Variants in TRIQK observed in about 807,000 individuals in gnomAD.
TRIQK encodes triple QxxK/R motif-containing protein.
TRIQK carries 10 observed loss-of-function variants against 10.8 expected under a neutral mutation model. The ratio of observed to expected loss-of-function variants is 0.92; its 90% confidence interval spans 0.57 to 1.57. The LOEUF (loss-of-function observed/expected upper bound fraction) is 1.57. Among genes scored for constraint, TRIQK ranks in the 40% most tolerant of loss-of-function variants. The pLI is 0.00. For synonymous variants in TRIQK, 33 were observed against 33.7 expected, an observed-to-expected ratio of 0.98 and a Z score of 0.07; for missense variants, 107 against 97.7, an observed-to-expected ratio of 1.09 and a Z score of -0.40.
At chr8:92,909,081 T>C (rs1809430529) in intron 3 of TRIQK, among the ~76,000 whole-genome samples, 1 of 151,876 alleles carries the variant, frequency 6.6e-6, no homozygotes, top group Non-Finnish European at 1.5e-5. Flanking sequence ...AAACTACAAA[T>C]ATCTAAAGAA....
chr8:92,954,618 C>T (rs761365573), intron 1 of TRIQK, 54 bp from the exon 2 acceptor site: 22 of 151,846 alleles, frequency 1.4e-4, no homozygotes, highest in Non-Finnish European at 2.8e-4. Context: ...CTCCAGTTCC[C>T]TAATAGTCCA....
At chr8:93,001,069 A>G (rs1355778618) in intron 1 of TRIQK, among the ~76,000 whole-genome samples, 2 of 152,148 alleles carry the variant, frequency 1.3e-5, no homozygotes, top group Non-Finnish European at 2.9e-5. Flanking sequence ...GCACTTTGGG[A>G]GGCTGAGATG....
At chr8:92,957,905 C>A (rs1563661247) in intron 1 of TRIQK, among the ~76,000 whole-genome samples, 1 of 151,826 alleles carries the variant, frequency 6.6e-6, no homozygotes, top group East Asian at 1.9e-4. Context: ...TAAAGGAAAA[C>A]CTGTGTATAC....
At chr8:92,991,483 C>T (rs993488449) in intron 1 of TRIQK, among the ~76,000 whole-genome samples, 2 of 152,098 alleles carry the variant, frequency 1.3e-5, no homozygotes, top group Non-Finnish European at 2.9e-5. Context: ...CAGGGGTCGA[C>T]TAGGTATTAA....
At chr8:93,008,342 T>C (rs1011546729) in intron 1 of TRIQK, among the ~76,000 whole-genome samples, 4 of 151,998 alleles carry the variant, frequency 2.6e-5, no homozygotes, top group Non-Finnish European at 5.9e-5. Context: ...TGAAGAGGAC[T>C]CAAATAAGTA....
intron 1 of TRIQK, among the ~76,000 whole-genome samples, chr8:93,009,754 A>G (rs1461815080): frequency 6.6e-6 from 1 of 152,180 alleles, no homozygotes; most frequent in East Asian, 1.9e-4. Context: ...GAACTACAGT[A>G]TGATCCAGCA....
At chr8:92,950,677 A>G (rs1811850823) in intron 2 of TRIQK, among the ~76,000 whole-genome samples, 1 of 152,152 alleles carries the variant, frequency 6.6e-6, no homozygotes, top group Non-Finnish European at 1.5e-5. Context: ...AAGAGCCTCA[A>G]ACCTTTAATT....
chr8:92,991,155 A>T lies in TRIQK; in HGVS notation c.-181+26454T>A, dbSNP rs1037310210. On this transcript the variant is annotated intron_variant, in intron 1 of 4. Coordinates refer to the TRIQK transcript ENST00000520686. ...CCACTGGGAAGTTCAAACTGGGCGGAGCCCACCGCAGCTCCACAAAGCCAC... is the reference window on the plus strand; with the variant it reads ...CCACTGGGAAGTTCAAACTGGGCGGTGCCCACCGCAGCTCCACAAAGCCAC... 2.0e-5 allele frequency among the ~76,000 whole-genome samples: 3 copies of T among 152,244 alleles called. No individual in the cohort carries two copies. In the East Asian group the frequency reaches 5.8e-4, roughly 30 times the overall value.
intron 2 of TRIQK, among the ~76,000 whole-genome samples, chr8:92,931,964 TA>T (rs1810750886): frequency 6.6e-6 from 1 of 152,190 alleles, no homozygotes; most frequent in African/African-American, 2.4e-5. Flanking sequence ...CTGAAACAGA[TA>T]TGAGAATATC....
At chr8:93,017,510 T>C (rs925653449) in intron 1 of TRIQK, 2 of 152,178 alleles carry the variant, frequency 1.3e-5, no homozygotes, top group African/African-American at 4.8e-5. Context: ...AAATTAATGT[T>C]GTGTTGCTGG....
At chr8:92,962,139 C>T (rs1189209967) in intron 1 of TRIQK, among the ~76,000 whole-genome samples, 1 of 152,056 alleles carries the variant, frequency 6.6e-6, no homozygotes, top group South Asian at 2.1e-4. Context: ...AAAATTAGCT[C>T]TAGGCCTACA....
At chr8:92,919,148 G>A (rs944489751) in intron 2 of TRIQK, among the ~76,000 whole-genome samples, 1 of 151,856 alleles carries the variant, frequency 6.6e-6, no homozygotes, top group Non-Finnish European at 1.5e-5. Flanking sequence ...TTTGAAATCA[G>A]ATAGTGTGAT....
chr8:92,993,228 G>T (rs1813116067), intron 1 of TRIQK, among the ~76,000 whole-genome samples: 1 of 152,042 alleles, frequency 6.6e-6, no homozygotes, highest in Non-Finnish European at 1.5e-5. Flanking sequence ...AATCTACTTT[G>T]TTTTCTTTCC....
intron 3 of TRIQK, among the ~76,000 whole-genome samples, chr8:92,911,977 A>G (rs1166023276): frequency 6.6e-6 from 1 of 150,908 alleles, no homozygotes; most frequent in Non-Finnish European, 1.5e-5. Flanking sequence ...CTGAAGAAAT[A>G]GAAAGCAATA....
At chr8:92,923,278 A>G (rs1440382217) in intron 2 of TRIQK, among the ~76,000 whole-genome samples, 3 of 151,756 alleles carry the variant, frequency 2.0e-5, no homozygotes, top group African/African-American at 7.2e-5. Flanking sequence ...ATTAGCACAT[A>G]CAGCCGCAAT....
chr8:93,016,922 T>A (rs1378564521), intron 1 of TRIQK, among the ~76,000 whole-genome samples: 1 of 152,148 alleles, frequency 6.6e-6, no homozygotes, highest in African/African-American at 2.4e-5. Flanking sequence ...TGATGTAATA[T>A]ACAACAATTT....
At position 92,916,997 on chromosome 8, in the gene TRIQK, CT is replaced by C; in HGVS notation, c.-9del. 1 of 1,495,950 alleles carries C rather than the reference CT, an allele frequency of 6.7e-7. No homozygotes were observed. The highest frequency in any genetic ancestry group is 1.7e-4 in the Middle Eastern group (1 of 5,830). 92.7% of individuals were successfully genotyped at this position (1,495,950 alleles called of 1,614,324 possible). A position where few individuals can be genotyped will look rare whatever the true frequency, so the allele number is the denominator to read the frequency against. ...AGCATCTTTTCTACCCATCTTTGAT[CT>C]CCAAAATGCCTGCTGAAAAGAAAAC... On this transcript the variant is annotated 5_prime_UTR_variant, in exon 3 of 5. Coordinates refer to ENST00000521988, the MANE Select transcript of TRIQK (RefSeq NM_001171797.2).
At chr8:93,004,776 C>G (rs1180068204) in intron 1 of TRIQK, among the ~76,000 whole-genome samples, 1 of 152,230 alleles carries the variant, frequency 6.6e-6, no homozygotes, top group Non-Finnish European at 1.5e-5. Flanking sequence ...TTCCACAGAT[C>G]CCTACAGCAG....
chr8:92,979,092 A>T (rs547875314), intron 1 of TRIQK, among the ~76,000 whole-genome samples: 1 of 152,220 alleles, frequency 6.6e-6, no homozygotes, highest in South Asian at 2.1e-4. Flanking sequence ...CTCAGCTGGG[A>T]CACCCTAAAT....
Sources: gnomAD v4.1 joint callset for allele counts (sites outside exome capture counted in the v4.1 genomes callset) on GRCh38, gnomAD v4.1.1 for gene constraint, MANE v1.5 for transcripts, NCBI Gene and HGNC (gene_info 2026-07-23, HGNC 2026-07-21) for gene names.